The following SLC12A2 variants were observed in gnomAD, a reference collection of about 807,000 sequenced individuals.
The protein encoded by SLC12A2 is solute carrier family 12 member 2.
Under a neutral mutation model 136.3 loss-of-function variants are expected in SLC12A2, and 67 were observed. The observed-to-expected ratio is 0.49, with a 90% CI of 0.40 to 0.60. SLC12A2 has a LOEUF of 0.60. Ranked by LOEUF, SLC12A2 falls within the 20% of genes least tolerant of loss-of-function variation. SLC12A2 has a pLI of 0.00. For missense variants in SLC12A2, 1,322 were observed against 1,534.7 expected (o/e 0.86, Z 2.32); for synonymous variants, 619 against 562.9 (o/e 1.10, Z -1.41).
At chr5:128,135,563 G>A (rs1762160339) in intron 6 of SLC12A2, 137 bp from the exon 7 acceptor site, 2 of 582,942 alleles carry the variant, frequency 3.4e-6, no homozygotes, top group Admixed American at 6.3e-5. Flanking sequence ...TTGGCATATG[G>A]CATTGTTTAA....
intron 1 of SLC12A2, among the ~76,000 whole-genome samples, chr5:128,087,096 C>A (rs1760131012): frequency 6.6e-6 from 1 of 152,204 alleles, no homozygotes; most frequent in South Asian, 2.1e-4. Flanking sequence ...TGTCTTCCCT[C>A]CAGTTGAATT....
At chr5:128,174,173 G>A (rs1763469210) in intron 19 of SLC12A2, among the ~76,000 whole-genome samples, 1 of 152,106 alleles carries the variant, frequency 6.6e-6, no homozygotes, top group Non-Finnish European at 1.5e-5. Flanking sequence ...TATCCAAAAT[G>A]CTTGGAACCT....
intron 18 of SLC12A2, 65 bp from the exon 19 acceptor site, chr5:128,171,602 G>T: frequency 2.0e-6 from 2 of 983,170 alleles, no homozygotes; most frequent in South Asian, 2.9e-5. Flanking sequence ...TTATTTTAAA[G>T]AGGATAACAC....
intron 6 of SLC12A2, among the ~76,000 whole-genome samples, chr5:128,134,541 A>G (rs1762126833): frequency 6.6e-6 from 1 of 152,100 alleles, no homozygotes. Flanking sequence ...GTTTTGCAGT[A>G]TGTAAAAATG....
rs1020321911 is a variant in SLC12A2 at position 128,098,775 on chromosome 5, G to C, written c.757-14039G>C. Among the ~76,000 whole-genome samples the C allele has an allele frequency of 3.3e-5, 5 of 151,828 alleles. No homozygotes were observed. The East Asian group carries it at 9.6e-4, about 29-fold the overall frequency. The stretch of plus-strand genomic sequence containing the variant: ...ATGGTTTCCAGCTACTTATTTTTAG[G>C]TTGGCCCCTGGGGAGTCTCCCCTGC... On this transcript the variant is annotated intron_variant, in intron 1 of 26. Transcript: ENST00000262461.
At position 128,174,623 on chromosome 5, in the gene SLC12A2, A is replaced by AGATACTTCCAAACCACTCAGT. The variant is rs1248753611; in HGVS notation, c.2889_2909dup (p.Asp963_Ser969dup). 1 of 1,609,114 alleles carries AGATACTTCCAAACCACTCAGT rather than the reference A, an allele frequency of 6.2e-7. No individual in the cohort carries two copies. Reference sequence around the variant, plus strand: ...TGGAATATAGTAAAAAGTCCGATTTAGATACTTCCAAACCACTCAGTGAAA... The same window carrying AGATACTTCCAAACCACTCAGT: ...TGGAATATAGTAAAAAGTCCGATTTAGATACTTCCAAACCACTCAGTGATACTTCCAAACCACTCAGTGAAA... On this transcript the variant is annotated inframe_insertion, in exon 20 of 27. Coordinates refer to ENST00000262461, the MANE Select transcript of SLC12A2 (RefSeq NM_001046.3).
Position 128,187,973 on chromosome 5 carries a change from G to A in SLC12A2, c.*1342G>A, listed in dbSNP as rs1763918746. 6.6e-6 allele frequency: 1 copy of A among 152,548 alleles called. No homozygotes were observed. Among genetic ancestry groups the A allele is most frequent in the Admixed American group, 6.5e-5 (1 of 15,274 alleles). 9.4% of individuals were successfully genotyped at this position (152,548 alleles called of 1,614,324 possible). On this transcript the variant is annotated 3_prime_UTR_variant, in exon 27 of 27. Coordinates refer to ENST00000262461, the MANE Select transcript of SLC12A2 (RefSeq NM_001046.3). ...GGGATTTATGTCTACATATTTGTGT[G>A]TGTGTGTGTATATATATGTAATATG...
At chr5:128,179,098 A>C (rs1358066218) in intron 22 of SLC12A2, among the ~76,000 whole-genome samples, 1 of 152,182 alleles carries the variant, frequency 6.6e-6, no homozygotes, top group Non-Finnish European at 1.5e-5. Flanking sequence ...TCACTGGTGA[A>C]ATTAACCATT....
intron 24 of SLC12A2, among the ~76,000 whole-genome samples, chr5:128,183,151 A>T (rs1763759623): frequency 6.6e-6 from 1 of 152,116 alleles, no homozygotes; most frequent in Non-Finnish European, 1.5e-5. Context: ...TTTAAATTAC[A>T]GCTTTACATG....
chr5:128,187,331 A>G lies in SLC12A2; in HGVS notation c.*700A>G, dbSNP rs1448650099. 2.0e-5 allele frequency: 3 copies of G among 152,036 alleles called. No individual in the cohort carries two copies. Among genetic ancestry groups the G allele is most frequent in the Non-Finnish European group, 2.9e-5 (2 of 67,986 alleles). The allele number at this position is 152,036 out of a possible 1,614,324, so 9.4% of individuals were successfully genotyped here. On this transcript the variant is annotated 3_prime_UTR_variant, in exon 27 of 27. Coordinates refer to ENST00000262461, the MANE Select transcript of SLC12A2 (RefSeq NM_001046.3). ...CTGATTGGCTATTATTACTATATTT[A>G]TTATTATTTATTGAAACCTTAGGGA... is the stretch of plus-strand genomic sequence containing the variant.
At chr5:128,105,810 T>A (rs1221716980) in intron 1 of SLC12A2, among the ~76,000 whole-genome samples, 1 of 152,216 alleles carries the variant, frequency 6.6e-6, no homozygotes, top group Admixed American at 6.5e-5. Context: ...AAAAGTGTTC[T>A]GCTCCCTATG....
In SLC12A2 at chr5:128,087,588, A is replaced by G. The variant is rs376392186; in HGVS notation, c.756+2878A>G. Among the ~76,000 whole-genome samples, 113 of 152,350 alleles carry G rather than the reference A, an allele frequency of 7.4e-4. No individual in the cohort carries two copies. In the Middle Eastern group the frequency reaches 0.014, roughly 18 times the overall value. On this transcript the variant is annotated intron_variant, in intron 1 of 26. Transcript: ENST00000262461. Reference sequence around the variant, plus strand: ...AGGTAATGGGGTGAGAAAGAGTGGTATATTAACATAACTAAAAGGAGATAA... The same window carrying G: ...AGGTAATGGGGTGAGAAAGAGTGGTGTATTAACATAACTAAAAGGAGATAA...
In SLC12A2 at chr5:128,181,121, T is replaced by C; in HGVS notation, c.3212+127T>C. ...ATCTTGCTTTGTTCTTTACTGAAGT[T>C]AAAAATTTTAAATATAACCTTGTTC... On this transcript the variant is annotated intron_variant, in intron 23 of 26. Coordinates refer to ENST00000262461, the MANE Select transcript of SLC12A2 (RefSeq NM_001046.3). 2 of 648,830 alleles carry C rather than the reference T, an allele frequency of 3.1e-6. 1 individual carries two copies. The highest frequency in any genetic ancestry group is 3.7e-5 in the African/African-American group (2 of 53,468). The allele number at this position is 648,830 out of a possible 1,614,324, so 40.2% of individuals were successfully genotyped here.
chr5:128,138,219 G>A (rs933939753), intron 7 of SLC12A2, among the ~76,000 whole-genome samples: 2 of 152,132 alleles, frequency 1.3e-5, no homozygotes, highest in East Asian at 1.9e-4. Flanking sequence ...AATTACAGGC[G>A]TGAGGCACCA....
intron 15 of SLC12A2, 51 bp downstream of exon 15, chr5:128,152,856 C>T (rs1310693339): frequency 9.3e-7 from 1 of 1,079,604 alleles, no homozygotes; most frequent in Non-Finnish European, 1.4e-6. Flanking sequence ...GCTGGCCAGT[C>T]AGTTCTTATT....
At position 128,177,129 on chromosome 5, in the gene SLC12A2, C is replaced by T; in HGVS notation, c.2954C>T (p.Ala985Val). ...GTTGAGGAAGAGGATGGCAAGACTG[C>T]AACTCAACCACTGTTGAAAAAAGGC... ...HKVEEEDGKTATQPLLKKESK... is the reference protein window; with the variant it reads ...HKVEEEDGKTVTQPLLKKESK... The change falls in exon 21 of 27, where the codon GCA (alanine) becomes GTA (valine). Residue 985 changes from alanine to valine, a missense_variant. This residue lies in a region of SLC12A2 where 226 missense variants were observed against 210.4 expected (regional missense o/e 1.07). Transcript: ENST00000262461. 6.3e-7 allele frequency: 1 copy of T among 1,590,476 alleles called. No homozygotes were observed.
At chr5:128,154,020 A>C (rs965634042) in intron 15 of SLC12A2, among the ~76,000 whole-genome samples, 2 of 151,406 alleles carry the variant, frequency 1.3e-5, no homozygotes, top group Non-Finnish European at 2.9e-5. Flanking sequence ...TAGAACTGAG[A>C]GTATGACCAA....
intron 22 of SLC12A2, among the ~76,000 whole-genome samples, chr5:128,179,948 CTTTTTTTTTTTTTTTTTT>C (rs70997365): frequency 4.2e-4 from 21 of 50,472 alleles, no homozygotes; most frequent in East Asian, 1.6e-3. Flanking sequence ...CCAATCGTTC[CTTTTTTTTTTTTTTTTTT>C]TTTTTTTTTT....
Position 128,188,184 on chromosome 5 carries a change from A to G in SLC12A2, c.*1553A>G, listed in dbSNP as rs1010381588. ...TGAAGGGCATGCTGTAATTTCACAC[A>G]ATTTTCCAGTTCAAAAATGGAGAAT... On this transcript the variant is annotated 3_prime_UTR_variant, in exon 27 of 27. Coordinates refer to ENST00000262461, the MANE Select transcript of SLC12A2 (RefSeq NM_001046.3). The G allele has an allele frequency of 6.6e-6, 1 of 152,072 alleles. No individual in the cohort carries two copies. Among genetic ancestry groups the G allele is most frequent in the Admixed American group, 6.6e-5 (1 of 15,266 alleles). 9.4% of individuals were successfully genotyped at this position (152,072 alleles called of 1,614,324 possible).
Sources: allele counts gnomAD v4.1 joint callset (sites outside exome capture counted in the v4.1 genomes callset), GRCh38; gene constraint gnomAD v4.1.1; regional missense constraint gnomAD v4.1.1; transcripts MANE v1.5; gene names NCBI Gene and HGNC (gene_info 2026-07-23, HGNC 2026-07-21).